The following MARCHF1 variants were observed in gnomAD, a reference collection of about 807,000 sequenced individuals.
MARCHF1 encodes the protein membrane associated ring-CH-type finger 1.
In MARCHF1, 40 loss-of-function variants were observed where a neutral mutation model predicts 54.2. The observed-to-expected ratio is 0.74, with a 90% CI of 0.57 to 0.96. The LOEUF (loss-of-function observed/expected upper bound fraction) is 0.96, where lower values mean the gene tolerates loss of function less well. Among genes scored for constraint, MARCHF1 ranks in the 40% least tolerant of loss-of-function variants. The pLI is 0.00. For synonymous variants in MARCHF1, 236 were observed against 236.3 expected, an observed-to-expected ratio of 1.00 and a Z score of 0.01; for missense variants, 586 against 656.5, an observed-to-expected ratio of 0.89 and a Z score of 1.17.
At chr4:163,603,044 T>A (rs1006622240) in intron 7 of MARCHF1, among the ~76,000 whole-genome samples, 2 of 152,080 alleles carry the variant, frequency 1.3e-5, no homozygotes, top group African/African-American at 4.8e-5. Context: ...TGATAACGTG[T>A]GCTACTGTTC....
chr4:163,621,256 A>C (rs1342184665), intron 5 of MARCHF1, among the ~76,000 whole-genome samples: 2 of 152,222 alleles, frequency 1.3e-5, no homozygotes, highest in African/African-American at 4.8e-5. Flanking sequence ...AGGAAGACAC[A>C]TAACAGTCTT....
intron 2 of MARCHF1, among the ~76,000 whole-genome samples, chr4:163,992,388 T>C (rs1752984587): frequency 6.6e-6 from 1 of 152,038 alleles, no homozygotes; most frequent in Non-Finnish European, 1.5e-5. Flanking sequence ...ATATGGCAAT[T>C]AATATCTGAA....
intron 3 of MARCHF1, among the ~76,000 whole-genome samples, chr4:163,918,581 T>C (rs964159847): frequency 8.5e-5 from 13 of 152,164 alleles, no homozygotes; most frequent in African/African-American, 2.7e-4. Flanking sequence ...AAAGTGTGTA[T>C]CTTCAGCAAC....
At chr4:164,283,191 G>A (rs183917657) in intron 1 of MARCHF1, among the ~76,000 whole-genome samples, 1 of 150,898 alleles carries the variant, frequency 6.6e-6, no homozygotes, top group African/African-American at 2.4e-5. Flanking sequence ...GAGGAAAATC[G>A]CTTAACCTCG....
chr4:163,698,514 TTTAAG>T (rs1260162013), intron 5 of MARCHF1, among the ~76,000 whole-genome samples: 2 of 152,208 alleles, frequency 1.3e-5, no homozygotes, highest in African/African-American at 2.4e-5. Flanking sequence ...TGTGGTACAA[TTTAAG>T]TTATGTTTAA....
intron 4 of MARCHF1, among the ~76,000 whole-genome samples, chr4:163,721,520 G>A (rs1225199010): frequency 6.6e-6 from 1 of 152,074 alleles, no homozygotes; most frequent in East Asian, 1.9e-4. Context: ...CCAGGCTTTG[G>A]TATCAGGATG....
intron 1 of MARCHF1, among the ~76,000 whole-genome samples, chr4:164,161,571 A>G (rs1417141059): frequency 1.3e-5 from 2 of 149,008 alleles, no homozygotes; most frequent in Non-Finnish European, 3.0e-5. Context: ...CAGCAGCAGC[A>G]GCAGGCCAAA....
chr4:163,682,839 C>T (rs952396907), intron 5 of MARCHF1, among the ~76,000 whole-genome samples: 4 of 152,154 alleles, frequency 2.6e-5, no homozygotes, highest in Admixed American at 1.3e-4. Context: ...GCCTCCCAAG[C>T]CATGCTAAAC....
intron 1 of MARCHF1, among the ~76,000 whole-genome samples, chr4:164,204,385 G>A (rs1174943686): frequency 2.6e-5 from 4 of 152,210 alleles, no homozygotes; most frequent in Admixed American, 6.5e-5. Flanking sequence ...TTTTGGACAC[G>A]TACCTCCACA....
intron 3 of MARCHF1, among the ~76,000 whole-genome samples, chr4:163,979,171 TC>T (rs1752710087): frequency 6.9e-5 from 1 of 14,456 alleles, no homozygotes; most frequent in Non-Finnish European, 1.3e-4. Context: ...TCCCCCCCCC[TC>T]CCCCCACCCC....
intron 5 of MARCHF1, among the ~76,000 whole-genome samples, chr4:163,615,895 C>T (rs1044078119): frequency 6.6e-6 from 1 of 152,046 alleles, no homozygotes; most frequent in African/African-American, 2.4e-5. Context: ...ACCCATGGAA[C>T]ACAACAGGGA....
intron 2 of MARCHF1, among the ~76,000 whole-genome samples, chr4:164,007,373 A>C (rs1417942084): frequency 9.5e-5 from 13 of 136,184 alleles, no homozygotes; most frequent in African/African-American, 3.3e-4. Context: ...AAAAAAAAAG[A>C]AAGAAAAAAA....
At chr4:163,612,164 A>G (rs907431) in intron 7 of MARCHF1, 107 bp downstream of exon 7, 847,298 of 949,578 alleles carry the variant, frequency 0.89, 378,616 homozygotes, top group African/African-American at 0.98. Flanking sequence ...AAAAAGAACA[A>G]TGTAAATAAA....
In MARCHF1 at chr4:164,003,983, C is replaced by G. The variant is rs551719734; in HGVS notation, c.-247-15274G>C. ...AAAAAGAATGAGATCATGTCCTTTG[C>G]AGGGACATGGATGGAGCTGGAAGCC... On this transcript the variant is annotated intron_variant, in intron 2 of 9. Coordinates refer to ENST00000514618, the MANE Select transcript of MARCHF1 (RefSeq NM_001394959.1). Among the ~76,000 whole-genome samples, 318 of 152,074 alleles carry G rather than the reference C, an allele frequency of 2.1e-3. 1 individual carries two copies. The highest frequency in any genetic ancestry group is 7.4e-3 in the African/African-American group (307 of 41,484).
At chr4:164,302,634 T>A (rs747912203) in intron 1 of MARCHF1, among the ~76,000 whole-genome samples, 5 of 152,054 alleles carry the variant, frequency 3.3e-5, no homozygotes, top group Non-Finnish European at 5.9e-5. Flanking sequence ...TCCCAGCATG[T>A]TGTGAGGCTG....
intron 4 of MARCHF1, among the ~76,000 whole-genome samples, chr4:163,753,821 C>T (rs1223015374): frequency 1.3e-5 from 2 of 152,098 alleles, no homozygotes; most frequent in African/African-American, 4.8e-5. Flanking sequence ...CTTGGGAACA[C>T]TGAGCAATAT....
chr4:163,705,206 A>T (rs1744914817), intron 4 of MARCHF1, among the ~76,000 whole-genome samples: 1 of 151,812 alleles, frequency 6.6e-6, no homozygotes, highest in Admixed American at 6.6e-5. Context: ...TACTTTAAAG[A>T]ACACATAATT....
intron 4 of MARCHF1, among the ~76,000 whole-genome samples, chr4:163,785,615 G>A (rs1037735520): frequency 1.2e-4 from 18 of 151,730 alleles, no homozygotes; most frequent in Admixed American, 2.0e-4. Flanking sequence ...TATTAATTGA[G>A]GAATAAAAGT....
intron 3 of MARCHF1, among the ~76,000 whole-genome samples, chr4:163,880,997 G>C (rs1750403368): frequency 6.6e-6 from 1 of 152,094 alleles, no homozygotes; most frequent in Non-Finnish European, 1.5e-5. Context: ...TTTTAAAGAG[G>C]ATTAAATTAG....
Sources: gnomAD v4.1 joint callset for allele counts (sites outside exome capture counted in the v4.1 genomes callset) on GRCh38, gnomAD v4.1.1 for gene constraint, MANE v1.5 for transcripts, NCBI Gene and HGNC (gene_info 2026-07-23, HGNC 2026-07-21) for gene names.